Variants in WDPCP observed in about 807,000 individuals in gnomAD.
WDPCP encodes the protein WD repeat-containing and planar cell polarity effector protein fritz homolog.
WDPCP carries 71 observed loss-of-function variants against 93.1 expected under a neutral mutation model. The observed-to-expected ratio is 0.76, with a 90% CI of 0.63 to 0.93. The LOEUF is 0.93. Ranked by LOEUF, WDPCP falls within the 40% of genes least tolerant of loss-of-function variation. The probability of loss-of-function intolerance (pLI) is 0.00; values close to 1 mark genes in which losing one functional copy is unlikely to be tolerated. For missense variants in WDPCP, 844 were observed against 887.4 expected (o/e 0.95, Z 0.62); for synonymous variants, 315 against 315.0 (o/e 1.00, Z 0.00).
At position 63,487,430 on chromosome 2, in the gene WDPCP, C is replaced by T. The variant is rs368377732; in HGVS notation, c.208+17G>A. The T allele has an allele frequency of 3.8e-6, 6 of 1,566,238 alleles. No individual in the cohort carries two copies. The African/African-American group carries it at 5.4e-5, about 14-fold the overall frequency. The stretch of plus-strand genomic sequence containing the variant: ...ATTTAGTTAATAAAAATTAATTGCA[C>T]AGAATAGGTACTTTACCTGGTGGAT... On this transcript the variant is annotated intron_variant, in intron 3 of 17. Transcript: ENST00000272321.
intron 1 of WDPCP, chr2:63,571,614 T>C (rs896619642): frequency 2.1e-6 from 1 of 471,040 alleles, no homozygotes; most frequent in African/African-American, 2.0e-5. Context: ...TGTCCAGAAT[T>C]TATCATGGTT....
intron 2 of WDPCP, among the ~76,000 whole-genome samples, chr2:63,808,477 G>A (rs901093331): frequency 3.9e-5 from 6 of 152,110 alleles, no homozygotes; most frequent in Admixed American, 2.6e-4. Flanking sequence ...GAATGCCTGC[G>A]ATTGCGGGCA....
intron 14 of WDPCP, among the ~76,000 whole-genome samples, chr2:63,258,902 C>T (rs1681366121): frequency 6.6e-6 from 1 of 152,096 alleles, no homozygotes; most frequent in South Asian, 2.1e-4. Context: ...AACCCAAAAT[C>T]TCATATGAAA....
In WDPCP at chr2:63,523,498, G is replaced by A. The variant is rs543908771; in HGVS notation, c.76-30558C>T. On this transcript the variant is annotated intron_variant, in intron 1 of 17. Coordinates refer to ENST00000272321, the MANE Select transcript of WDPCP (RefSeq NM_015910.7). Reference sequence around the variant, plus strand: ...GAAATAAAATGCATCCAAATAGGAAGAGAGGAAGTCAAAATATTCCTGTTG... The same window carrying A: ...GAAATAAAATGCATCCAAATAGGAAAAGAGGAAGTCAAAATATTCCTGTTG... 9.2e-5 allele frequency among the ~76,000 whole-genome samples: 14 copies of A among 152,316 alleles called. No individual in the cohort carries two copies. The South Asian group carries it at 2.9e-3, about 32-fold the overall frequency.
At chr2:63,458,575 C>T (rs779791939) in intron 6 of WDPCP, among the ~76,000 whole-genome samples, 10 of 151,912 alleles carry the variant, frequency 6.6e-5, no homozygotes, top group Admixed American at 1.3e-4. Context: ...AAAACACTGA[C>T]GAAAGAAACT....
chr2:63,570,460 G>C (rs1395065668), intron 1 of WDPCP, among the ~76,000 whole-genome samples: 1 of 152,104 alleles, frequency 6.6e-6, no homozygotes, highest in African/African-American at 2.4e-5. Flanking sequence ...GTTGGCTCTT[G>C]TTTTCCAGTC....
intron 13 of WDPCP, among the ~76,000 whole-genome samples, chr2:63,296,406 A>C (rs1264922688): frequency 6.6e-6 from 1 of 152,188 alleles, no homozygotes; most frequent in Non-Finnish European, 1.5e-5. Flanking sequence ...TTCCACTCTC[A>C]GCACTACTAT....
chr2:63,575,109 C>A (rs1168837896), intron 1 of WDPCP, among the ~76,000 whole-genome samples: 1 of 151,636 alleles, frequency 6.6e-6, no homozygotes, highest in Non-Finnish European at 1.5e-5. Flanking sequence ...TTCTGTAATG[C>A]AACCTTGAAA....
Position 63,404,493 on chromosome 2 carries a change from T to A in WDPCP, c.990A>T (p.Ser330=). The change falls in exon 10 of 18, where the codon TCA becomes TCT. Residue 330 remains serine (S), a synonymous_variant. Transcript: ENST00000272321. ...TTGACTTTAGTGGTATTCTGGTGAC[T>A]GACACACACTGGATTTTATTCCGAA... is the stretch of plus-strand genomic sequence containing the variant. ...ECIRNKIQCV[S]VTRIPLKSKA... is the part of the protein sequence containing the mutation. The A allele has an allele frequency of 6.2e-7, 1 of 1,614,098 alleles. No individual in the cohort carries two copies. Among genetic ancestry groups the A allele is most frequent in the Non-Finnish European group, 8.5e-7 (1 of 1,179,974 alleles).
Position 63,227,660 on chromosome 2 carries a change from C to CTGAG in WDPCP, c.1915+31643_1915+31646dup, listed in dbSNP as rs547563206. Among the ~76,000 whole-genome samples, 6 of 152,136 alleles carry CTGAG rather than the reference C, an allele frequency of 3.9e-5. No homozygotes were observed. In the East Asian group the frequency reaches 1.2e-3, roughly 29 times the overall value. On this transcript the variant is annotated intron_variant, in intron 14 of 17. Coordinates refer to ENST00000272321, the MANE Select transcript of WDPCP (RefSeq NM_015910.7). ...GGTTTCAAAATCTGCCACTGACAGT[C>CTGAG]TGAGTCTGTGTCCTCATTTGTAAAT...
intron 13 of WDPCP, among the ~76,000 whole-genome samples, chr2:63,290,116 A>T (rs1220908194): frequency 1.3e-5 from 2 of 151,626 alleles, no homozygotes; most frequent in Non-Finnish European, 3.0e-5. Context: ...ATTTGGGGTT[A>T]AGTGTAACAT....
At chr2:63,422,430 A>G (rs1695934457) in intron 9 of WDPCP, among the ~76,000 whole-genome samples, 1 of 152,246 alleles carries the variant, frequency 6.6e-6, no homozygotes, top group Admixed American at 6.5e-5. Context: ...GCACCTTCAG[A>G]AAGTACTAGA....
intron 3 of WDPCP, among the ~76,000 whole-genome samples, chr2:63,603,282 G>A (rs984922627): frequency 6.6e-6 from 1 of 152,030 alleles, no homozygotes; most frequent in Admixed American, 6.5e-5. Context: ...AACGACATTT[G>A]AGTTGTTTCA....
chr2:63,789,527 AC>A (rs1670517162), intron 2 of WDPCP, among the ~76,000 whole-genome samples: 2 of 152,296 alleles, frequency 1.3e-5, no homozygotes, highest in South Asian at 2.1e-4. Flanking sequence ...CAGCCTCCAG[AC>A]TGGACCAGTT....
intron 17 of WDPCP, among the ~76,000 whole-genome samples, chr2:63,147,731 G>A (rs1483960982): frequency 6.6e-6 from 1 of 152,042 alleles, no homozygotes; most frequent in East Asian, 1.9e-4. Context: ...CACTTTGGGG[G>A]GCCAAGGTGG....
At chr2:63,398,423 A>G (rs1162153497) in intron 10 of WDPCP, among the ~76,000 whole-genome samples, 1 of 152,210 alleles carries the variant, frequency 6.6e-6, no homozygotes, top group Admixed American at 6.5e-5. Context: ...CTTGGCTTCC[A>G]TGTAATGACA....
intron 3 of WDPCP, among the ~76,000 whole-genome samples, chr2:63,645,945 TC>T (rs1710043062): frequency 6.6e-6 from 1 of 152,190 alleles, no homozygotes; most frequent in African/African-American, 2.4e-5. Flanking sequence ...TTCTTGTTTT[TC>T]ACCCATTCAG....
At chr2:63,535,391 C>T (rs965882369) in intron 1 of WDPCP, among the ~76,000 whole-genome samples, 9 of 152,182 alleles carry the variant, frequency 5.9e-5, no homozygotes, top group African/African-American at 2.2e-4. Context: ...AAAAAAGACC[C>T]GGCATTGCCA....
At chr2:63,753,225 G>A (rs1468110188) in intron 2 of WDPCP, among the ~76,000 whole-genome samples, 1 of 152,038 alleles carries the variant, frequency 6.6e-6, no homozygotes, top group Non-Finnish European at 1.5e-5. Context: ...AAGGTCAGTA[G>A]TTCAAGACTA....
Sources: allele counts gnomAD v4.1 joint callset (sites outside exome capture counted in the v4.1 genomes callset), GRCh38; gene constraint gnomAD v4.1.1; transcripts MANE v1.5; gene names NCBI Gene and HGNC (gene_info 2026-07-23, HGNC 2026-07-21).